The following PANK4 variants were observed in gnomAD, a reference collection of about 807,000 sequenced individuals.
The protein encoded by PANK4 is pantothenate kinase 4 (inactive).
In PANK4, 40 loss-of-function variants were observed where a neutral mutation model predicts 87.9. The observed-to-expected ratio is 0.46, with a 90% CI of 0.35 to 0.59. The LOEUF (loss-of-function observed/expected upper bound fraction) is 0.59. Among genes scored for constraint, PANK4 ranks in the 20% least tolerant of loss-of-function variants. The pLI is 0.00. For missense variants in PANK4, 926 were observed against 1,072.3 expected, an observed-to-expected ratio of 0.86 and a Z score of 1.90; for synonymous variants, 524 against 467.4, an observed-to-expected ratio of 1.12 and a Z score of -1.56.
chr1:2,513,023 T>C lies in PANK4; in HGVS notation c.1592A>G (p.Asn531Ser). The change falls in exon 13 of 19, where the codon AAT becomes AGT. Residue 531 changes from asparagine (N) to serine (S), a missense_variant. Asn to Ser is a conservative substitution (Grantham distance 46, BLOSUM62 1). Coordinates refer to ENST00000378466, the MANE Select transcript of PANK4 (RefSeq NM_018216.4). ...GGGGAAGCACCTCAGCGCCACGCCA[T>C]TCTCCCGCTGCTTCACCTGTGGAGA... is the stretch of plus-strand genomic sequence containing the variant. ...DPYSKVKQRENGVALRCFPGV... is the reference protein window; with the variant it reads ...DPYSKVKQRESGVALRCFPGV... The C allele has an allele frequency of 6.2e-7, 1 of 1,604,164 alleles. No homozygotes were observed.
Position 2,508,826 on chromosome 1 carries a change from G to C in PANK4, c.*21C>G, listed in dbSNP as rs1480579795. 1.4e-6 allele frequency: 2 copies of C among 1,403,912 alleles called. No homozygotes were observed. Among genetic ancestry groups the C allele is most frequent in the Non-Finnish European group, 2.0e-6 (2 of 1,001,586 alleles). 87.0% of individuals were successfully genotyped at this position (1,403,912 alleles called of 1,614,324 possible). ...CATTCCTGACAAGTGACAAGCAGAA[G>C]AGTCCGGCAGCTGCAGCGCCTCACT... On this transcript the variant is annotated 3_prime_UTR_variant, in exon 19 of 19. Transcript: ENST00000378466. This position sits in a 1 kb window ranked among gnomAD's most constrained non-coding sequence, Gnocchi z 5.1.
chr1:2,526,437 C>A, intron 1 of PANK4, 27 bp downstream of exon 1: 1 of 1,304,268 alleles, frequency 7.7e-7, no homozygotes, highest in Non-Finnish European at 1.0e-6. Flanking sequence ...CCCCGCAGCC[C>A]GCGCCCGGCG....
intron 1 of PANK4, among the ~76,000 whole-genome samples, chr1:2,522,689 C>T (rs902646341): frequency 1.9e-3 from 35 of 17,950 alleles, no homozygotes; most frequent in African/African-American, 3.7e-3. Flanking sequence ...GTGCATTGCG[C>T]GGTGCTACAG....
At chr1:2,514,239 C>T (rs1017364593) in intron 11 of PANK4, 115 bp downstream of exon 11, 4 of 1,114,904 alleles carry the variant, frequency 3.6e-6, no homozygotes, top group Admixed American at 3.5e-5. Context: ...CGCCAGGGCC[C>T]ACACCCACCC....
At position 2,515,747 on chromosome 1, in the gene PANK4, C is replaced by G; in HGVS notation, c.1219-30G>C. On this transcript the variant is annotated intron_variant, in intron 9 of 18. Transcript: ENST00000378466. The surrounding 1 kb of genome is among the most constrained non-coding windows in gnomAD (Gnocchi z 5.0). ...AAGACAGGCAGTGGCAGGGTGGAAA[C>G]GTCACCATGGTTCAGAACGACCCAA... 6 of 1,606,794 alleles carry G rather than the reference C, an allele frequency of 3.7e-6. No homozygotes were observed. The highest frequency in any genetic ancestry group is 5.1e-6 in the Non-Finnish European group (6 of 1,176,492).
At chr1:2,517,909 C>A (rs1643811779) in intron 9 of PANK4, among the ~76,000 whole-genome samples, 1 of 152,226 alleles carries the variant, frequency 6.6e-6, no homozygotes, top group South Asian at 2.1e-4. Flanking sequence ...AACAAGAAGG[C>A]CGGATCACAC....
At chr1:2,511,606 C>T in intron 14 of PANK4, 22 bp downstream of exon 14, 1 of 1,571,306 alleles carries the variant, frequency 6.4e-7, no homozygotes, top group Non-Finnish European at 8.8e-7. Context: ...GGCAAGGCCC[C>T]AAGTTACTTG....
Position 2,520,249 on chromosome 1 carries a change from G to C in PANK4, c.699+73C>G. 4 of 1,419,376 alleles carry C rather than the reference G, an allele frequency of 2.8e-6. No homozygotes were observed. Among genetic ancestry groups the C allele is most frequent in the Non-Finnish European group, 4.0e-6 (4 of 1,005,822 alleles). 87.9% of individuals were successfully genotyped at this position (1,419,376 alleles called of 1,614,324 possible). On this transcript the variant is annotated intron_variant, in intron 5 of 18. Coordinates refer to ENST00000378466, the MANE Select transcript of PANK4 (RefSeq NM_018216.4). This position sits in a 1 kb window ranked among gnomAD's most constrained non-coding sequence, Gnocchi z 6.2. ...CCGGAAGCAGCTTTTGCACCGCCCA[G>C]CTGCAGGCCTTCGGGGGAAGGAAGC... is the stretch of plus-strand genomic sequence containing the variant.
At position 2,509,018 on chromosome 1, in the gene PANK4, G is replaced by A. The variant is rs771861451; in HGVS notation, c.2151C>T (p.Gly717=). Residue 717 remains glycine, a synonymous_variant, in exon 19 of 19, where the codon GGC becomes GGT. Transcript: ENST00000378466. The surrounding 1 kb of genome is among the most constrained non-coding windows in gnomAD (Gnocchi z 4.9). ...TGCCCTCGATGACCACCAGATCCGC[G>A]CCACGCTCCCGCACCAGTGCGGCCA... The part of the protein sequence containing the change: ...KGLAALVRER[G]ADLVVIEGMG... 79 of 1,604,298 alleles carry A rather than the reference G, an allele frequency of 4.9e-5. No individual in the cohort carries two copies. Among genetic ancestry groups the A allele is most frequent in the Middle Eastern group, 1.8e-4 (1 of 5,588 alleles).
chr1:2,510,314 C>T lies in PANK4; in HGVS notation c.1939-157G>A. On this transcript the variant is annotated intron_variant, in intron 16 of 18. Transcript: ENST00000378466. The surrounding 1 kb of genome is among the most constrained non-coding windows in gnomAD (Gnocchi z 4.9). ...CTGAGGAGCAGGGACCTCGCCTGAC[C>T]TTGCCACTCTGTGGCCCCTGGGAGG... 2 of 641,396 alleles carry T rather than the reference C, an allele frequency of 3.1e-6. No homozygotes were observed. Among genetic ancestry groups the T allele is most frequent in the Non-Finnish European group, 5.7e-6 (2 of 351,686 alleles). 39.7% of individuals were successfully genotyped at this position (641,396 alleles called of 1,614,324 possible).
chr1:2,508,916 C>T lies in PANK4; in HGVS notation c.2253G>A (p.Ala751=), dbSNP rs748860901. 7.5e-6 allele frequency: 12 copies of T among 1,610,638 alleles called. 1 individual carries two copies. Among genetic ancestry groups the T allele is most frequent in the Admixed American group, 6.7e-5 (4 of 59,818 alleles). Residue 751 remains alanine (A), a synonymous_variant, in exon 19 of 19, where the codon GCG becomes GCA. Coordinates refer to ENST00000378466, the MANE Select transcript of PANK4 (RefSeq NM_018216.4). The surrounding 1 kb of genome is among the most constrained non-coding windows in gnomAD (Gnocchi z 5.1). ...ESLKLAVIKN[A]WLAERLGGRL... is the part of the protein sequence containing the mutation. ...GGCCGCCCAGCCGCTCGGCCAGCCA[C>T]GCGTTCTTGATGACGGCCAGCTTGA... is the stretch of plus-strand genomic sequence containing the variant.
At position 2,510,799 on chromosome 1, in the gene PANK4, G is replaced by C; in HGVS notation, c.1834-17C>G. On this transcript the variant is annotated splice_polypyrimidine_tract_variant and intron_variant, in intron 15 of 18. Transcript: ENST00000378466. This position sits in a 1 kb window ranked among gnomAD's most constrained non-coding sequence, Gnocchi z 4.9. Reference sequence around the variant, plus strand: ...AGGGGGCCCCTGTAAGACAAAACCAGGACGTTCAGTTGGGAACAGGCGCAT... The same window carrying C: ...AGGGGGCCCCTGTAAGACAAAACCACGACGTTCAGTTGGGAACAGGCGCAT... 6.8e-7 allele frequency: 1 copy of C among 1,475,468 alleles called. No individual in the cohort carries two copies. Among genetic ancestry groups the C allele is most frequent in the Non-Finnish European group, 9.5e-7 (1 of 1,054,288 alleles). The allele number at this position is 1,475,468 out of a possible 1,614,324, so 91.4% of individuals were successfully genotyped here.
At position 2,510,133 on chromosome 1, in the gene PANK4, G is replaced by A; in HGVS notation, c.1963C>T (p.Pro655Ser). The A allele has an allele frequency of 6.2e-7, 1 of 1,608,054 alleles. No homozygotes were observed. ...CTGTGGGTCACGTCGTTCAGGGCGG[G>A]GCCTGAGTTGCACGCCAGGATGACC... ...TEVILACNSG[P>S]ALNDVTHSES... Residue 655 changes from proline (P) to serine (S), a missense_variant, in exon 17 of 19, where the codon CCC becomes TCC. By Grantham distance (74) the Pro-to-Ser change is moderately conservative (BLOSUM62 -1). Coordinates refer to ENST00000378466, the MANE Select transcript of PANK4 (RefSeq NM_018216.4). The surrounding 1 kb of genome is among the most constrained non-coding windows in gnomAD (Gnocchi z 4.9).
rs975784260 is a variant in PANK4, at chr1:2,514,244, C to T, written c.1487+110G>A. On this transcript the variant is annotated intron_variant, in intron 11 of 18. Coordinates refer to ENST00000378466, the MANE Select transcript of PANK4 (RefSeq NM_018216.4). The stretch of plus-strand genomic sequence containing the variant: ...GGGGCTGTGCCGCCAGGGCCCACAC[C>T]CACCCCCAGCGAGCTGGGGTCCGAA... 3.6e-6 allele frequency: 4 copies of T among 1,126,010 alleles called. No individual in the cohort carries two copies. The East Asian group carries it at 9.5e-5, about 27-fold the overall frequency. 69.8% of individuals were successfully genotyped at this position (1,126,010 alleles called of 1,614,324 possible). A position where few individuals can be genotyped will look rare whatever the true frequency, so the allele number is the denominator to read the frequency against.
chr1:2,521,951 C>A (rs751629437), intron 1 of PANK4, 151 bp from the exon 2 acceptor site: 1 of 651,018 alleles, frequency 1.5e-6, no homozygotes, highest in East Asian at 2.6e-5. Flanking sequence ...CCTGTGGGCA[C>A]AAAAGAGAGG....
In PANK4 at chr1:2,519,039, C is replaced by T. The variant is rs1643837034; in HGVS notation, c.1035+104G>A. Reference sequence around the variant, plus strand: ...GGTGCTGGGCTTCTTGGCCCCCACCCTCCAGGCCTCCCTGGGGGTGCTGCG... The same window carrying T: ...GGTGCTGGGCTTCTTGGCCCCCACCTTCCAGGCCTCCCTGGGGGTGCTGCG... On this transcript the variant is annotated intron_variant, in intron 7 of 18. Transcript: ENST00000378466. The surrounding 1 kb of genome is among the most constrained non-coding windows in gnomAD (Gnocchi z 8.3). 2 of 1,128,882 alleles carry T rather than the reference C, an allele frequency of 1.8e-6. No individual in the cohort carries two copies. The highest frequency in any genetic ancestry group is 1.6e-5 in the African/African-American group (1 of 64,464). The allele number at this position is 1,128,882 out of a possible 1,614,324, so 69.9% of individuals were successfully genotyped here. A position where few individuals can be genotyped will look rare whatever the true frequency, so the allele number is the denominator to read the frequency against.
In PANK4 at chr1:2,519,389, AGGAGGGGAGGGGGAGAGAGAGCTGAGTG is replaced by A. The variant is rs1201054906; in HGVS notation, c.854-93_854-66del. On this transcript the variant is annotated intron_variant, in intron 6 of 18. Transcript: ENST00000378466. This position sits in a 1 kb window ranked among gnomAD's most constrained non-coding sequence, Gnocchi z 8.3. ...GCAAGTGCACGACATGAGAGCGAGCAGGAGGGGAGGGGGAGAGAGAGCTGAGTGGGAGGGGAGGGGGAGAGAGAGCTGA... is the reference window on the plus strand; with the variant it reads ...GCAAGTGCACGACATGAGAGCGAGCAGGAGGGGAGGGGGAGAGAGAGCTGA... The A allele has an allele frequency of 5.1e-4, 350 of 689,510 alleles. 1 individual carries two copies. Among genetic ancestry groups the A allele is most frequent in the African/African-American group, 4.0e-3 (182 of 45,366 alleles). 42.7% of individuals were successfully genotyped at this position (689,510 alleles called of 1,614,324 possible).
At chr1:2,523,031 A>G (rs1643891179) in intron 1 of PANK4, among the ~76,000 whole-genome samples, 1 of 151,502 alleles carries the variant, frequency 6.6e-6, no homozygotes. Context: ...GGCCTGACAA[A>G]AAGAGGCAAA....
Position 2,515,367 on chromosome 1 carries a change from C to G in PANK4, c.1374+195G>C, listed in dbSNP as rs1345811955. 3 of 707,914 alleles carry G rather than the reference C, an allele frequency of 4.2e-6. No homozygotes were observed. Among genetic ancestry groups the G allele is most frequent in the Non-Finnish European group, 7.7e-6 (3 of 390,414 alleles). 43.9% of individuals were successfully genotyped at this position (707,914 alleles called of 1,614,324 possible). ...GTGCCTCGCAGACGCCACGTCCTCA[C>G]TGACCCACCAGGTGGCCAGGAGCGG... is the stretch of plus-strand genomic sequence containing the variant. On this transcript the variant is annotated intron_variant, in intron 10 of 18. Coordinates refer to ENST00000378466, the MANE Select transcript of PANK4 (RefSeq NM_018216.4). The surrounding 1 kb of genome is among the most constrained non-coding windows in gnomAD (Gnocchi z 5.0).
Sources: gnomAD v4.1 joint callset for allele counts (sites outside exome capture counted in the v4.1 genomes callset) on GRCh38, gnomAD v4.1.1 for gene constraint, Gnocchi (gnomAD v3.1) non-coding constraint, MANE v1.5 for transcripts, NCBI Gene and HGNC (gene_info 2026-07-23, HGNC 2026-07-21) for gene names.